FMN2: variants seen among roughly 807,000 people sequenced by gnomAD.
The protein encoded by FMN2 is formin-2.
In FMN2, 51 loss-of-function variants were observed where a neutral mutation model predicts 142.3. The observed-to-expected ratio is 0.36, with a 90% CI of 0.29 to 0.45. The LOEUF is 0.45. FMN2 is among the 20% of genes least tolerant of loss of function. The pLI, the probability that FMN2 is intolerant of heterozygous loss-of-function variation, is 1.00. For synonymous variants in FMN2, 882 were observed against 869.8 expected, an observed-to-expected ratio of 1.01 and a Z score of -0.25; for missense variants, 1,936 against 2,122.8, an observed-to-expected ratio of 0.91 and a Z score of 1.73.
At chr1:240,379,201 T>C (rs1673146691) in intron 14 of FMN2, among the ~76,000 whole-genome samples, 1 of 152,208 alleles carries the variant, frequency 6.6e-6, no homozygotes, top group Admixed American at 6.5e-5. Flanking sequence ...GTTTTACTAA[T>C]AATTTACCTA....
intron 6 of FMN2, among the ~76,000 whole-genome samples, chr1:240,252,850 G>A (rs1422222724): frequency 1.3e-5 from 2 of 150,984 alleles, no homozygotes; most frequent in Non-Finnish European, 2.9e-5. Context: ...GTTCCACTAA[G>A]TAGGTTTTTG....
chr1:240,126,373 C>G (rs375763234), intron 2 of FMN2, among the ~76,000 whole-genome samples: 42 of 151,436 alleles, frequency 2.8e-4, no homozygotes, highest in African/African-American at 7.5e-4. Flanking sequence ...TACCCCCCCC[C>G]ACTTTGTTCC....
At chr1:240,423,920 G>A (rs936369584) in intron 15 of FMN2, among the ~76,000 whole-genome samples, 1 of 152,174 alleles carries the variant, frequency 6.6e-6, no homozygotes, top group African/African-American at 2.4e-5. Flanking sequence ...ATTAATAAAT[G>A]ATCTGTTCCT....
chr1:240,315,791 GA>G (rs1239108556), intron 8 of FMN2, among the ~76,000 whole-genome samples: 1 of 151,132 alleles, frequency 6.6e-6, no homozygotes, highest in Non-Finnish European at 1.5e-5. Context: ...TAGATCTCTT[GA>G]AAAGCTAGTT....
At chr1:240,146,417 G>T (rs1206510221) in intron 2 of FMN2, among the ~76,000 whole-genome samples, 1 of 139,244 alleles carries the variant, frequency 7.2e-6, no homozygotes, top group African/African-American at 2.7e-5. Flanking sequence ...AAAAAAAATA[G>T]TATGGCCAGG....
At chr1:240,214,228 C>T (rs1010461586) in intron 6 of FMN2, among the ~76,000 whole-genome samples, 1 of 152,056 alleles carries the variant, frequency 6.6e-6, no homozygotes, top group African/African-American at 2.4e-5. Flanking sequence ...TGTAGAACCC[C>T]GTCTCTTAAG....
chr1:240,341,060 A>T (rs1449641612), intron 13 of FMN2, among the ~76,000 whole-genome samples: 1 of 152,124 alleles, frequency 6.6e-6, no homozygotes, highest in Non-Finnish European at 1.5e-5. Flanking sequence ...ACCTTTTGCT[A>T]TTATCTTCAT....
intron 1 of FMN2, among the ~76,000 whole-genome samples, chr1:240,110,743 C>T (rs568287821): frequency 7.8e-4 from 118 of 151,782 alleles, no homozygotes; most frequent in African/African-American, 2.4e-3. Flanking sequence ...AATAAGTCCC[C>T]GACTCTCATT....
intron 16 of FMN2, among the ~76,000 whole-genome samples, chr1:240,469,562 TTTC>T (rs1383606607): frequency 1.3e-5 from 2 of 152,204 alleles, no homozygotes; most frequent in Non-Finnish European, 2.9e-5. Flanking sequence ...CAGTTTGCTG[TTTC>T]TTGACTCTTA....
At chr1:240,181,113 T>G (rs1320199471) in intron 3 of FMN2, among the ~76,000 whole-genome samples, 2 of 152,046 alleles carry the variant, frequency 1.3e-5, no homozygotes, top group Admixed American at 1.3e-4. Flanking sequence ...CAAGTGATTT[T>G]CCCTCCTCAG....
At chr1:240,144,603 A>C in intron 2 of FMN2, 2 of 1,316,770 alleles carry the variant, frequency 1.5e-6, no homozygotes, top group Non-Finnish European at 2.2e-6. Flanking sequence ...AAGCGGCTAA[A>C]CTTTCAGAAC....
chr1:240,120,539 T>G (rs1008992089), intron 1 of FMN2, among the ~76,000 whole-genome samples: 1 of 152,176 alleles, frequency 6.6e-6, no homozygotes, highest in Non-Finnish European at 1.5e-5. Context: ...TATTGATGCT[T>G]TTTATGTGCA....
chr1:240,180,273 TG>T, intron 3 of FMN2: 1 of 798,502 alleles, frequency 1.3e-6, no homozygotes, highest in Non-Finnish European at 1.8e-6. Context: ...AGTGATCTAA[TG>T]GGTCTTTCTA....
chr1:240,203,087 CAG>C lies in FMN2; in HGVS notation c.1987-3710_1987-3709del, dbSNP rs1401837001. Among the ~76,000 whole-genome samples the C allele has an allele frequency of 5.9e-5, 9 of 152,144 alleles. 1 individual carries two copies. Among genetic ancestry groups the C allele is most frequent in the Admixed American group, 4.6e-4 (7 of 15,274 alleles). On this transcript the variant is annotated intron_variant, in intron 4 of 17. Coordinates refer to ENST00000319653, the MANE Select transcript of FMN2 (RefSeq NM_020066.5). ...GATCTGTGCATTTTACTAATCCAGTCAGAAATACTAATTGTACTCCTTATTAA... is the reference window on the plus strand; with the variant it reads ...GATCTGTGCATTTTACTAATCCAGTCAAATACTAATTGTACTCCTTATTAA...
chr1:240,105,689 TCTTA>T (rs1308470025), intron 1 of FMN2, among the ~76,000 whole-genome samples: 1 of 152,208 alleles, frequency 6.6e-6, no homozygotes, highest in Non-Finnish European at 1.5e-5. Flanking sequence ...GGGAATGGGA[TCTTA>T]CTTTAGTTTT....
At chr1:240,394,654 T>A (rs1673711642) in intron 15 of FMN2, among the ~76,000 whole-genome samples, 1 of 152,046 alleles carries the variant, frequency 6.6e-6, no homozygotes, top group Non-Finnish European at 1.5e-5. Flanking sequence ...TAGAGAGAAG[T>A]CAATGCCTGA....
rs571372795 is a variant in FMN2 at position 240,464,642 on chromosome 1, A to G, written c.5061-7730A>G. On this transcript the variant is annotated intron_variant, in intron 16 of 17. Coordinates refer to ENST00000319653, the MANE Select transcript of FMN2 (RefSeq NM_020066.5). ...TTGATAAGAGTGGCTGGTTTGCTTC[A>G]TGTGTTACTGTGAAGGGAAAGGAAT... Among the ~76,000 whole-genome samples, 3 of 152,142 alleles carry G rather than the reference A, an allele frequency of 2.0e-5. No homozygotes were observed. In the East Asian group the frequency reaches 5.8e-4, roughly 29 times the overall value.
intron 7 of FMN2, among the ~76,000 whole-genome samples, chr1:240,276,621 G>A (rs760134465): frequency 1.3e-5 from 2 of 152,016 alleles, no homozygotes; most frequent in Non-Finnish European, 2.9e-5. Context: ...ATCTATTGGG[G>A]TGTGTGTCAG....
At chr1:240,460,455 G>C (rs367924588) in intron 16 of FMN2, among the ~76,000 whole-genome samples, 2 of 152,058 alleles carry the variant, frequency 1.3e-5, no homozygotes, top group African/African-American at 4.8e-5. Flanking sequence ...AGCTGGGCGT[G>C]GTGGCAGGTG....
Sources: allele counts gnomAD v4.1 joint callset (sites outside exome capture counted in the v4.1 genomes callset), GRCh38; gene constraint gnomAD v4.1.1; transcripts MANE v1.5; gene names NCBI Gene and HGNC (gene_info 2026-07-23, HGNC 2026-07-21).